The following PLXNA4 variants were observed in gnomAD, a reference collection of about 807,000 sequenced individuals.
The protein encoded by PLXNA4 is plexin-A4.
A neutral mutation model predicts 191.8 loss-of-function variants in PLXNA4; 44 were observed. The ratio of observed to expected loss-of-function variants is 0.23; its 90% CI spans 0.18 to 0.29. PLXNA4 has a LOEUF of 0.29. Ranked by LOEUF, PLXNA4 falls within the 10% of genes least tolerant of loss-of-function variation. PLXNA4 has a pLI of 1.00. For missense variants in PLXNA4, 1,800 were observed against 2,488.8 expected, an observed-to-expected ratio of 0.72 and a Z score of 5.89; for synonymous variants, 1,082 against 1,009.5, an observed-to-expected ratio of 1.07 and a Z score of -1.36.
chr7:132,236,581 C>T (rs1002635381), intron 5 of PLXNA4, among the ~76,000 whole-genome samples: 1 of 152,120 alleles, frequency 6.6e-6, no homozygotes, highest in Non-Finnish European at 1.5e-5. Flanking sequence ...ACTGTGAATC[C>T]AAGGCCTGGT....
At chr7:132,520,953 G>T (rs1177559605) in intron 1 of PLXNA4, among the ~76,000 whole-genome samples, 1 of 152,052 alleles carries the variant, frequency 6.6e-6, no homozygotes, top group African/African-American at 2.4e-5. Flanking sequence ...CCTCACTCCA[G>T]GCCCCTTTTG....
At chr7:132,263,357 C>T (rs546071884) in intron 4 of PLXNA4, among the ~76,000 whole-genome samples, 32 of 152,356 alleles carry the variant, frequency 2.1e-4, no homozygotes, top group African/African-American at 7.2e-4. Context: ...ATCTGCAGCA[C>T]TTCGACCCTG....
At chr7:132,213,014 T>A (rs1056930561) in intron 9 of PLXNA4, among the ~76,000 whole-genome samples, 1 of 152,218 alleles carries the variant, frequency 6.6e-6, no homozygotes, top group Admixed American at 6.5e-5. Context: ...AGGTGTTCAC[T>A]GAGGAATGAA....
chr7:132,350,399 G>T (rs1803432118), intron 3 of PLXNA4, among the ~76,000 whole-genome samples: 1 of 152,110 alleles, frequency 6.6e-6, no homozygotes, highest in Non-Finnish European at 1.5e-5. Flanking sequence ...CCAGCTACTT[G>T]GGAGGCTGAG....
At chr7:132,600,559 C>T (rs976875701) in intron 2 of PLXNA4, among the ~76,000 whole-genome samples, 1 of 152,016 alleles carries the variant, frequency 6.6e-6, no homozygotes, top group Non-Finnish European at 1.5e-5. Flanking sequence ...GAGACAAGAT[C>T]TTACCATGTT....
Position 132,168,558 on chromosome 7 carries a change from C to A in PLXNA4, c.4032G>T (p.Arg1344=). The part of the protein sequence containing the change: ...VLRDLEVPGY[R]QERVEKGLKL... ...TCAGGCCTTTCTCCACACGCTCCTG[C>A]CGGTAGCCCGGGACCTGCAGAGAGA... Residue 1344 remains arginine, a synonymous_variant, in exon 22 of 32, where the codon CGG becomes CGT. Transcript: ENST00000321063. The A allele has an allele frequency of 6.3e-7, 1 of 1,585,170 alleles. No homozygotes were observed.
At chr7:132,563,063 C>G (rs183654084) in intron 1 of PLXNA4, among the ~76,000 whole-genome samples, 1 of 97,920 alleles carries the variant, frequency 1.0e-5, no homozygotes, top group African/African-American at 3.9e-5. Flanking sequence ...GCCTCCTTCT[C>G]CTCCTCCTCC....
chr7:132,439,995 AGT>A lies in PLXNA4; in HGVS notation c.1371+49295_1371+49296del, dbSNP rs3067108. On this transcript the variant is annotated intron_variant, in intron 3 of 31. Coordinates refer to ENST00000321063, the MANE Select transcript of PLXNA4 (RefSeq NM_020911.2). The stretch of plus-strand genomic sequence containing the variant: ...ACACATGTGTGCATGTGCATGTGTG[AGT>A]GTGTGTGTGTGTGTATGTGTGTGTG... Among the ~76,000 whole-genome samples the A allele has an allele frequency of 8.3e-4, 125 of 150,196 alleles. 1 individual carries two copies. Among genetic ancestry groups the A allele is most frequent in the Non-Finnish European group, 1.5e-3 (100 of 67,560 alleles).
chr7:132,461,256 G>C (rs987610516), intron 3 of PLXNA4, among the ~76,000 whole-genome samples: 1 of 152,212 alleles, frequency 6.6e-6, no homozygotes, highest in African/African-American at 2.4e-5. Flanking sequence ...CTCTTCCTCT[G>C]ATCCAGAGGG....
chr7:132,185,516 G>A, intron 15 of PLXNA4, 53 bp from the exon 16 acceptor site: 2 of 1,566,326 alleles, frequency 1.3e-6, no homozygotes, highest in East Asian at 2.3e-5. Context: ...GAGGACAGAG[G>A]TCCTGAGTCA....
chr7:132,576,566 A>C (rs1252396183), upstream of PLXNA4: 11 of 985,938 alleles, frequency 1.1e-5, no homozygotes, highest in African/African-American at 1.7e-5. The surrounding 1 kb of genome is among the most constrained non-coding windows in gnomAD (Gnocchi z 5.8). Flanking sequence ...CCGAACGCAA[A>C]TACTCCACCG....
intron 4 of PLXNA4, among the ~76,000 whole-genome samples, chr7:132,278,625 C>T (rs775584954): frequency 3.0e-4 from 46 of 152,316 alleles, no homozygotes; most frequent in Non-Finnish European, 6.3e-4. Context: ...GGCCCTGGGA[C>T]AGAGACTTGC....
intron 3 of PLXNA4, among the ~76,000 whole-genome samples, chr7:132,424,491 A>T (rs1257274525): frequency 6.6e-6 from 1 of 152,076 alleles, no homozygotes; most frequent in East Asian, 1.9e-4. Flanking sequence ...ATCTTGGTGG[A>T]ACCCCCACCC....
At position 132,411,327 on chromosome 7, in the gene PLXNA4, C is replaced by T. The variant is rs568891637; in HGVS notation, c.1371+77965G>A. Among the ~76,000 whole-genome samples the T allele has an allele frequency of 2.0e-5, 3 of 152,296 alleles. No individual in the cohort carries two copies. In the South Asian group the frequency reaches 6.2e-4, roughly 32 times the overall value. On this transcript the variant is annotated intron_variant, in intron 3 of 31. Transcript: ENST00000321063. ...AATCAGATTGGGCTCTGGCACCTCG[C>T]CACCTGTTCGGGCTTCACCCTGGAA...
At chr7:132,240,953 T>C in intron 5 of PLXNA4, 113 bp downstream of exon 5, 2 of 651,610 alleles carry the variant, frequency 3.1e-6, no homozygotes, top group Non-Finnish European at 2.5e-6. Flanking sequence ...AGAGCAAGAA[T>C]AGCTGAGGAG....
chr7:132,179,147 T>TTA (rs1554381328), intron 20 of PLXNA4, among the ~76,000 whole-genome samples: 1 of 59,894 alleles, frequency 1.7e-5, no homozygotes, highest in Admixed American at 1.5e-4. Context: ...ACGTGCGTGC[T>TTA]CACACACACA....
At chr7:132,428,114 C>T (rs1248263878) in intron 3 of PLXNA4, among the ~76,000 whole-genome samples, 1 of 152,166 alleles carries the variant, frequency 6.6e-6, no homozygotes, top group East Asian at 1.9e-4. Flanking sequence ...CCCATGTACC[C>T]CAAGTGCCCT....
chr7:132,378,370 A>C lies in PLXNA4; in HGVS notation c.1372-80148T>G, dbSNP rs1422914736. Among the ~76,000 whole-genome samples, 5 of 152,306 alleles carry C rather than the reference A, an allele frequency of 3.3e-5. No homozygotes were observed. In the East Asian group the frequency reaches 9.6e-4, roughly 29 times the overall value. ...TCACCACCCCTGGCACATGGCTGGCACATGGTATGTCCTGGGTGATTATTT... is the reference window on the plus strand; with the variant it reads ...TCACCACCCCTGGCACATGGCTGGCCCATGGTATGTCCTGGGTGATTATTT... On this transcript the variant is annotated intron_variant, in intron 3 of 31. Coordinates refer to ENST00000321063, the MANE Select transcript of PLXNA4 (RefSeq NM_020911.2).
Position 132,203,431 on chromosome 7 carries a change from T to C in PLXNA4, c.2299-12A>G. On this transcript the variant is annotated splice_polypyrimidine_tract_variant and intron_variant, in intron 10 of 31. Coordinates refer to ENST00000321063, the MANE Select transcript of PLXNA4 (RefSeq NM_020911.2). ...CCTTCATAGGAATACTGCAGCCAGGTCGGGGAGGAGGAAAGAAGAAAGTGG... is the reference window on the plus strand; with the variant it reads ...CCTTCATAGGAATACTGCAGCCAGGCCGGGGAGGAGGAAAGAAGAAAGTGG... 1.2e-6 allele frequency: 2 copies of C among 1,612,756 alleles called. No individual in the cohort carries two copies. Among genetic ancestry groups the C allele is most frequent in the Non-Finnish European group, 1.7e-6 (2 of 1,178,864 alleles).
Sources: gnomAD v4.1 joint callset for allele counts (sites outside exome capture counted in the v4.1 genomes callset) on GRCh38, gnomAD v4.1.1 for gene constraint, Gnocchi (gnomAD v3.1) non-coding constraint, MANE v1.5 for transcripts, NCBI Gene and HGNC (gene_info 2026-07-23, HGNC 2026-07-21) for gene names.